RNF6: variants seen among roughly 807,000 people sequenced by gnomAD.
RNF6 encodes the protein ring finger protein 6.
RNF6 carries 21 observed loss-of-function variants against 50.1 expected under a neutral mutation model. The observed-to-expected ratio is 0.42, with a 90% CI of 0.30 to 0.60. The LOEUF is 0.60. Ranked by LOEUF, RNF6 falls within the 20% of genes least tolerant of loss-of-function variation. The pLI is 0.20. For missense variants in RNF6, 698 were observed against 838.2 expected (o/e 0.83, Z 2.07); for synonymous variants, 255 against 291.8 (o/e 0.87, Z 1.29).
At chr13:26,187,765 C>T (rs1300585576) in intron 5 of RNF6, among the ~76,000 whole-genome samples, 1 of 152,052 alleles carries the variant, frequency 6.6e-6, no homozygotes, top group Non-Finnish European at 1.5e-5. Flanking sequence ...TATCTGTTGC[C>T]CAGGATGGAG....
At chr13:26,179,103 G>A (rs1489523415) in intron 5 of RNF6, among the ~76,000 whole-genome samples, 4 of 152,208 alleles carry the variant, frequency 2.6e-5, no homozygotes, top group African/African-American at 9.7e-5. Flanking sequence ...CACCTTGCCA[G>A]TTTCTGCTAA....
chr13:26,149,995 T>C (rs9581564), intron 5 of RNF6, among the ~76,000 whole-genome samples: 2 of 132,844 alleles, frequency 1.5e-5, no homozygotes, highest in South Asian at 2.4e-4. Context: ...TATATATATA[T>C]ACACAGTGTA....
At chr13:26,198,254 C>T (rs1270230770) in intron 5 of RNF6, among the ~76,000 whole-genome samples, 1 of 151,340 alleles carries the variant, frequency 6.6e-6, no homozygotes, top group Middle Eastern at 3.2e-3. Context: ...GGATAGAGAC[C>T]CAGGAAAGAA....
rs1413752826 is a variant in RNF6, at chr13:26,214,779, G to A, written c.1103C>T (p.Ser368Phe). The change falls in exon 5 of 5, where the codon TCT (serine) becomes TTT (phenylalanine). Residue 368 changes from serine to phenylalanine, a missense_variant. Physicochemically the swap from Ser to Phe is radical, Grantham distance 155. Transcript: ENST00000381588. ...ERRGTAYTPF[S>F]NSRLVSRITV... ...TATTCTTGACACAAGCCTTGAATTA[G>A]AGAATGGGGTATATGCAGTACCTCT... 1.2e-6 allele frequency: 2 copies of A among 1,614,060 alleles called. No individual in the cohort carries two copies. Among genetic ancestry groups the A allele is most frequent in the African/African-American group, 2.7e-5 (2 of 74,914 alleles).
intron 5 of RNF6, among the ~76,000 whole-genome samples, chr13:26,164,158 C>A (rs967413885): frequency 1.3e-5 from 2 of 152,090 alleles, no homozygotes; most frequent in African/African-American, 4.8e-5. Flanking sequence ...GTATGGGTTT[C>A]TTTTTATTTA....
At chr13:26,144,137 G>A (rs1292480397) in intron 5 of RNF6, among the ~76,000 whole-genome samples, 1 of 150,546 alleles carries the variant, frequency 6.6e-6, no homozygotes, top group African/African-American at 2.5e-5. Flanking sequence ...ACTCAGTGAC[G>A]GCCAATGTTC....
intron 5 of RNF6, among the ~76,000 whole-genome samples, chr13:26,175,230 A>G (rs1872896699): frequency 1.3e-5 from 2 of 152,164 alleles, no homozygotes; most frequent in South Asian, 2.1e-4. Flanking sequence ...ACAGGTGCAC[A>G]CCACCATGCC....
intron 5 of RNF6, among the ~76,000 whole-genome samples, chr13:26,134,327 C>T (rs1328908396): frequency 6.6e-6 from 1 of 152,266 alleles, no homozygotes; most frequent in Non-Finnish European, 1.5e-5. Context: ...TCACTACTGT[C>T]TGGGAGTTGA....
intron 5 of RNF6, among the ~76,000 whole-genome samples, chr13:26,174,132 A>G (rs562681634): frequency 1.1e-3 from 163 of 152,308 alleles, no homozygotes; most frequent in Non-Finnish European, 2.0e-3. Flanking sequence ...ACTTTTAAGC[A>G]GCAGGTAAAT....
chr13:26,186,765 TTTC>T (rs200259893), intron 5 of RNF6, among the ~76,000 whole-genome samples: 43 of 48,354 alleles, frequency 8.9e-4, no homozygotes, highest in Non-Finnish European at 1.3e-3. Context: ...GTCAGGGACC[TTTC>T]TTCTTCTTTT....
At position 26,149,538 on chromosome 13, in the gene RNF6, A is replaced by G. The variant is rs370851326; in HGVS notation, n.769-17087T>C. ...GGAGGCGGAGCTTGCAGTGAGCCGA[A>G]ATTGTGCCACTGCACTCCAGCCTGG... On this transcript the variant is annotated intron_variant and non_coding_transcript_variant, in intron 5 of 5. Coordinates refer to the RNF6 transcript ENST00000468480. Among the ~76,000 whole-genome samples the G allele has an allele frequency of 5.9e-5, 9 of 152,018 alleles. No individual in the cohort carries two copies. In the East Asian group the frequency reaches 1.6e-3, roughly 26 times the overall value.
In RNF6 at chr13:26,155,994, G is replaced by A. The variant is rs9581568; in HGVS notation, n.769-23543C>T. 9.9e-3 allele frequency among the ~76,000 whole-genome samples: 1,513 copies of A among 152,242 alleles called. 31 individuals carry two copies. The highest frequency in any genetic ancestry group is 0.035 in the African/African-American group (1,438 of 41,540). On this transcript the variant is annotated intron_variant and non_coding_transcript_variant, in intron 5 of 5. Coordinates refer to the RNF6 transcript ENST00000468480. The stretch of plus-strand genomic sequence containing the variant: ...AAACAAAGAGAACAGCATGAAAGCC[G>A]CTTTTAAAAGAGAGAGAAAACACAA...
downstream of RNF6, among the ~76,000 whole-genome samples, chr13:26,210,696 T>C (rs1204661972): frequency 2.0e-5 from 3 of 152,208 alleles, no homozygotes; most frequent in East Asian, 3.8e-4. Flanking sequence ...AGCAGGAGCT[T>C]TGGAGGCAAA....
At chr13:26,147,581 A>G (rs562542995) in intron 5 of RNF6, among the ~76,000 whole-genome samples, 1 of 152,248 alleles carries the variant, frequency 6.6e-6, no homozygotes, top group African/African-American at 2.4e-5. Context: ...AAAATTTAGG[A>G]GTCAATGTCC....
At chr13:26,173,745 G>A (rs1199375344) in intron 5 of RNF6, among the ~76,000 whole-genome samples, 1 of 151,984 alleles carries the variant, frequency 6.6e-6, no homozygotes, top group African/African-American at 2.4e-5. Flanking sequence ...AAGGTCAGGA[G>A]ATCGAGACCA....
chr13:26,184,235 G>C (rs951124072), intron 5 of RNF6, among the ~76,000 whole-genome samples: 6 of 151,724 alleles, frequency 4.0e-5, no homozygotes, highest in Admixed American at 6.6e-5. Flanking sequence ...GTTCCACCCT[G>C]TTAGCCAGGA....
chr13:26,176,742 G>A (rs1480060452), intron 5 of RNF6, among the ~76,000 whole-genome samples: 3 of 152,178 alleles, frequency 2.0e-5, no homozygotes, highest in African/African-American at 4.8e-5. Context: ...AGACCAGCCT[G>A]AGCAGGATGG....
chr13:26,180,490 CAT>C (rs943962642), intron 5 of RNF6, among the ~76,000 whole-genome samples: 40 of 152,330 alleles, frequency 2.6e-4, no homozygotes, highest in African/African-American at 9.4e-4. Flanking sequence ...CAGGGAACCA[CAT>C]GTCACTCTGG....
intron 5 of RNF6, among the ~76,000 whole-genome samples, chr13:26,179,269 G>A (rs1339473435): frequency 2.0e-5 from 3 of 152,104 alleles, no homozygotes; most frequent in African/African-American, 4.8e-5. Context: ...ACAGACACTC[G>A]CATAACAAGT....
Sources: gnomAD v4.1 joint callset for allele counts (sites outside exome capture counted in the v4.1 genomes callset) on GRCh38, gnomAD v4.1.1 for gene constraint, MANE v1.5 for transcripts, NCBI Gene and HGNC (gene_info 2026-07-23, HGNC 2026-07-21) for gene names.